Variants in SUGCT observed in about 807,000 individuals in gnomAD.
The protein encoded by SUGCT is succinyl-CoA:glutarate CoA-transferase.
In SUGCT, 41 loss-of-function variants were observed where a neutral mutation model predicts 55.0. The ratio of observed to expected loss-of-function variants is 0.74; its 90% CI spans 0.58 to 0.97. The LOEUF is 0.97. SUGCT is among the 50% of genes least tolerant of loss of function. The pLI, the probability that SUGCT is intolerant of heterozygous loss-of-function variation, is 0.00. For missense variants in SUGCT, 568 were observed against 547.8 expected, an observed-to-expected ratio of 1.04 and a Z score of -0.37; for synonymous variants, 187 against 200.4, an observed-to-expected ratio of 0.93 and a Z score of 0.56.
chr7:40,811,373 T>C (rs1791406431), intron 13 of SUGCT, among the ~76,000 whole-genome samples: 1 of 152,168 alleles, frequency 6.6e-6, no homozygotes, highest in Non-Finnish European at 1.5e-5. Flanking sequence ...GTCATTTAAA[T>C]GATACTGATT....
intron 8 of SUGCT, among the ~76,000 whole-genome samples, chr7:40,276,431 TCTG>T (rs1314270766): frequency 6.6e-6 from 1 of 152,206 alleles, no homozygotes; most frequent in African/African-American, 2.4e-5. Flanking sequence ...AGTTAAATGT[TCTG>T]CTGTCACTGT....
the SUGCT span, among the ~76,000 whole-genome samples, chr7:40,888,954 CAGTT>C: frequency 5.3e-5 from 8 of 152,224 alleles, no homozygotes; most frequent in East Asian, 1.3e-3. Flanking sequence ...CCTTAGCTGT[CAGTT>C]AGGCTGAGAC....
intron 12 of SUGCT, among the ~76,000 whole-genome samples, chr7:40,616,660 T>C (rs1799017010): frequency 6.6e-6 from 1 of 152,148 alleles, no homozygotes. Flanking sequence ...TGTGGGACCA[T>C]GGAACGAGTG....
intron 11 of SUGCT, among the ~76,000 whole-genome samples, chr7:40,472,099 G>A (rs1790431713): frequency 6.6e-6 from 1 of 152,032 alleles, no homozygotes; most frequent in Non-Finnish European, 1.5e-5. Context: ...TCCCTGCTGT[G>A]CAAAAAGCAA....
At chr7:40,394,597 G>A (rs749692053) in intron 9 of SUGCT, among the ~76,000 whole-genome samples, 4 of 152,094 alleles carry the variant, frequency 2.6e-5, no homozygotes, top group Non-Finnish European at 5.9e-5. Context: ...GTTAACTATC[G>A]TCACCATGTT....
rs555360078 is a variant in SUGCT, at chr7:40,524,661, C to G, written c.1089+28275C>G. Among the ~76,000 whole-genome samples the G allele has an allele frequency of 2.0e-5, 3 of 152,140 alleles. No homozygotes were observed. The East Asian group carries it at 5.8e-4, about 29-fold the overall frequency. ...ATTCTGTTAAAATTTCTTTCTGTTT[C>G]TTTCAGAAATTTTAAGGGATTAGTT... On this transcript the variant is annotated intron_variant, in intron 12 of 13. Transcript: ENST00000335693.
intron 9 of SUGCT, among the ~76,000 whole-genome samples, chr7:40,402,814 A>G (rs1361478601): frequency 2.6e-5 from 4 of 152,150 alleles, no homozygotes; most frequent in African/African-American, 7.2e-5. Context: ...GAGGAAGTTC[A>G]ATCTCCAAAA....
chr7:40,360,713 G>A (rs1798110679), intron 9 of SUGCT, among the ~76,000 whole-genome samples: 1 of 152,206 alleles, frequency 6.6e-6, no homozygotes, highest in Admixed American at 6.5e-5. Context: ...ATGAGAGGGA[G>A]CAGTGAATAT....
At chr7:40,442,705 C>A (rs985931121) in intron 9 of SUGCT, among the ~76,000 whole-genome samples, 7 of 151,772 alleles carry the variant, frequency 4.6e-5, no homozygotes, top group African/African-American at 1.7e-4. Flanking sequence ...TTAAAAAGTC[C>A]CAAATTCTTA....
At chr7:40,366,187 G>C (rs1293663667) in intron 9 of SUGCT, among the ~76,000 whole-genome samples, 1 of 152,040 alleles carries the variant, frequency 6.6e-6, no homozygotes, top group African/African-American at 2.4e-5. Context: ...TTAATAAATG[G>C]TGCTGGGAAA....
At chr7:40,464,558 A>C (rs1336841383) in intron 11 of SUGCT, among the ~76,000 whole-genome samples, 1 of 152,250 alleles carries the variant, frequency 6.6e-6, no homozygotes, top group African/African-American at 2.4e-5. Context: ...AAAAAAGTAC[A>C]GATGGTCCCC....
At chr7:40,643,506 A>G (rs1470341862) in intron 12 of SUGCT, among the ~76,000 whole-genome samples, 1 of 152,082 alleles carries the variant, frequency 6.6e-6, no homozygotes, top group Non-Finnish European at 1.5e-5. Flanking sequence ...GACTTCCCAC[A>G]CCTCTTACGT....
intron 12 of SUGCT, among the ~76,000 whole-genome samples, chr7:40,622,179 A>T (rs1799292427): frequency 6.6e-6 from 1 of 152,212 alleles, no homozygotes; most frequent in Non-Finnish European, 1.5e-5. Flanking sequence ...CCATGTGCTC[A>T]TGAGACGTGT....
Position 40,720,789 on chromosome 7 carries a change from G to T in SUGCT, c.1090-28645G>T, listed in dbSNP as rs184770363. 4.0e-4 allele frequency among the ~76,000 whole-genome samples: 61 copies of T among 152,144 alleles called. 1 individual carries two copies. Among genetic ancestry groups the T allele is most frequent in the African/African-American group, 1.4e-3 (60 of 41,494 alleles). ...TTTTGTAATAAAATGCATCCCTTAC[G>T]TATCATCTTTGAATGAGACTAAAAG... On this transcript the variant is annotated intron_variant, in intron 12 of 13. Coordinates refer to ENST00000335693, the MANE Select transcript of SUGCT (RefSeq NM_001193313.2).
chr7:40,917,178 A>C, the SUGCT span, among the ~76,000 whole-genome samples: 2 of 152,250 alleles, frequency 1.3e-5, no homozygotes, highest in Non-Finnish European at 2.9e-5. Flanking sequence ...GACTTTGGAC[A>C]AAAATTCATG....
chr7:40,367,746 T>G (rs1180112823), intron 9 of SUGCT, among the ~76,000 whole-genome samples: 1 of 152,160 alleles, frequency 6.6e-6, no homozygotes, highest in Admixed American at 6.6e-5. Context: ...CCGACCGTGG[T>G]CTGTTATCTC....
intron 13 of SUGCT, among the ~76,000 whole-genome samples, chr7:40,809,513 G>C (rs1392127800): frequency 6.6e-6 from 1 of 151,980 alleles, no homozygotes; most frequent in Admixed American, 6.6e-5. Context: ...AACTTAAAGA[G>C]GTTACTTTAA....
At chr7:40,143,670 C>G (rs183970187) in intron 1 of SUGCT, among the ~76,000 whole-genome samples, 172 of 152,304 alleles carry the variant, frequency 1.1e-3, no homozygotes, top group Non-Finnish European at 2.3e-3. Context: ...TGTTTTAAGT[C>G]TTTAACTTGT....
chr7:40,554,339 G>A (rs1253452011), intron 12 of SUGCT, among the ~76,000 whole-genome samples: 1 of 152,158 alleles, frequency 6.6e-6, no homozygotes, highest in African/African-American at 2.4e-5. Flanking sequence ...CATGTAGATT[G>A]TCATTTTGTT....
Sources: gnomAD v4.1 joint callset for allele counts (sites outside exome capture counted in the v4.1 genomes callset) on GRCh38, gnomAD v4.1.1 for gene constraint, MANE v1.5 for transcripts, NCBI Gene and HGNC (gene_info 2026-07-23, HGNC 2026-07-21) for gene names.